Variants in ANKRD30B observed in about 807,000 individuals in gnomAD.
ANKRD30B encodes the protein ankyrin repeat domain 30B, also known as ankyrin repeat domain-containing protein 30B.
ANKRD30B carries 144 observed loss-of-function variants against 202.2 expected under a neutral mutation model. The ratio of observed to expected loss-of-function variants is 0.71; its 90% CI spans 0.62 to 0.82. The LOEUF (loss-of-function observed/expected upper bound fraction) is 0.82, where lower values mean the gene tolerates loss of function less well. Among genes scored for constraint, ANKRD30B ranks in the 40% least tolerant of loss-of-function variants. The pLI, the probability that ANKRD30B is intolerant of heterozygous loss-of-function variation, is 0.00. For synonymous variants in ANKRD30B, 508 were observed against 561.3 expected (o/e 0.91, Z 1.34); for missense variants, 1,487 against 1,669.1 (o/e 0.89, Z 1.90).
intron 18 of ANKRD30B, 41 bp from the exon 19 acceptor site, chr18:14,797,620 G>A (rs1315338626): frequency 5.7e-6 from 9 of 1,578,766 alleles, no homozygotes; most frequent in Non-Finnish European, 7.0e-6. Context: ...GGCTTTGTCA[G>A]GCTTGCATAT....
chr18:14,816,698 A>T (rs1263244244), intron 30 of ANKRD30B: 2 of 152,112 alleles, frequency 1.3e-5, no homozygotes, highest in Admixed American at 1.3e-4. Flanking sequence ...AACAGCAAAG[A>T]CTTGGAACCA....
intron 7 of ANKRD30B, among the ~76,000 whole-genome samples, chr18:14,767,420 AAATAAAACAAT>A (rs1175375392): frequency 7.2e-5 from 11 of 152,318 alleles, no homozygotes; most frequent in Non-Finnish European, 1.6e-4. Context: ...ACTCATGATA[AAATAAAACAAT>A]AATAATACAT....
rs545061007 is a variant in ANKRD30B, at chr18:14,791,467, G to A, written c.1801G>A (p.Asp601Asn). ...CAAAGCTACACATCAAAAAGAATTC[G>A]ATACCTTAAGTGGAAAATTAGAAGG... ...LPKATHQKEF[D>N]TLSGKLEESP... Residue 601 changes from aspartate to asparagine, a missense_variant, in exon 16 of 44, where the codon GAT becomes AAT. By Grantham distance (23) the Asp-to-Asn change is conservative (BLOSUM62 1). Around this residue, in one of 6 missense-constraint regions of ANKRD30B, gnomAD observed 889 missense variants for 841.4 expected, o/e 1.06. Transcript: ENST00000690538. 2.7e-5 allele frequency: 43 copies of A among 1,609,902 alleles called. No individual in the cohort carries two copies. The highest frequency in any genetic ancestry group is 2.3e-4 in the African/African-American group (17 of 74,758).
At chr18:14,749,619 C>T (rs1184599455) in intron 1 of ANKRD30B, among the ~76,000 whole-genome samples, 3 of 127,302 alleles carry the variant, frequency 2.4e-5, no homozygotes, top group Non-Finnish European at 3.1e-5. Context: ...TGCAGTGAGC[C>T]GAGATCCCAC....
At chr18:14,816,620 G>A (rs1345459943) in intron 30 of ANKRD30B, 2 of 150,506 alleles carry the variant, frequency 1.3e-5, no homozygotes, top group African/African-American at 4.9e-5. Context: ...ACTCCAGCCT[G>A]GGTGACAGGG....
chr18:14,917,144 C>T, the ANKRD30B span, among the ~76,000 whole-genome samples: 12 of 152,312 alleles, frequency 7.9e-5, no homozygotes, highest in African/African-American at 1.9e-4. Context: ...CTGCGTCCTC[C>T]GGCCCCAGTG....
At chr18:14,767,603 T>C (rs1916451624) in intron 7 of ANKRD30B, among the ~76,000 whole-genome samples, 1 of 152,172 alleles carries the variant, frequency 6.6e-6, no homozygotes, top group East Asian at 1.9e-4. Flanking sequence ...ACTAATTATT[T>C]CTGGCTATCT....
At chr18:14,771,745 T>C (rs1967016955) in intron 8 of ANKRD30B, among the ~76,000 whole-genome samples, 1 of 152,182 alleles carries the variant, frequency 6.6e-6, no homozygotes, top group South Asian at 2.1e-4. Context: ...TGTATCTTTC[T>C]TCCTTATTTT....
the ANKRD30B span, among the ~76,000 whole-genome samples, chr18:14,906,758 C>T: frequency 6.6e-6 from 1 of 152,036 alleles, no homozygotes; most frequent in African/African-American, 2.4e-5. Context: ...GACCATGGCC[C>T]ATGACACAGC....
intron 39 of ANKRD30B, among the ~76,000 whole-genome samples, chr18:14,846,535 A>G (rs1363441431): frequency 6.6e-6 from 1 of 151,650 alleles, no homozygotes; most frequent in Non-Finnish European, 1.5e-5. Flanking sequence ...ATTTTAGACT[A>G]TACTTAGGCA....
chr18:14,838,958 A>G (rs1456359376), intron 36 of ANKRD30B, among the ~76,000 whole-genome samples: 1 of 152,246 alleles, frequency 6.6e-6, no homozygotes, highest in Non-Finnish European at 1.5e-5. Flanking sequence ...ATGGGGAGTA[A>G]GAACAGGCAT....
rs372605276 is a variant in ANKRD30B, at chr18:14,830,315, C to T, written c.2775-1068C>T. The T allele has an allele frequency of 3.1e-4, 47 of 152,372 alleles. 1 individual carries two copies. In the South Asian group the frequency reaches 9.8e-3, roughly 32 times the overall value. 9.4% of individuals were successfully genotyped at this position (152,372 alleles called of 1,614,324 possible). Reference sequence around the variant, plus strand: ...CAGTCTCTCTCCTTGGGTATAAGTACCTACGAAGATTTTTAAGGCTTTGCT... The same window carrying T: ...CAGTCTCTCTCCTTGGGTATAAGTATCTACGAAGATTTTTAAGGCTTTGCT... On this transcript the variant is annotated intron_variant, in intron 33 of 43. Coordinates refer to ENST00000690538, the MANE Select transcript of ANKRD30B (RefSeq NM_001367607.2).
the ANKRD30B span, among the ~76,000 whole-genome samples, chr18:14,860,983 G>C: frequency 2.0e-5 from 3 of 152,236 alleles, no homozygotes; most frequent in South Asian, 6.2e-4. Context: ...TTACAGGTGC[G>C]AGCCACTGCA....
At position 14,827,954 on chromosome 18, in the gene ANKRD30B, A is replaced by G. The variant is rs374737360; in HGVS notation, c.2744-324A>G. Among the ~76,000 whole-genome samples, 142 of 152,318 alleles carry G rather than the reference A, an allele frequency of 9.3e-4. 1 individual carries two copies. The highest frequency in any genetic ancestry group is 3.4e-3 in the Middle Eastern group (1 of 294). On this transcript the variant is annotated intron_variant, in intron 32 of 43. Coordinates refer to ENST00000690538, the MANE Select transcript of ANKRD30B (RefSeq NM_001367607.2). ...TAGTATACTTAATAATAATTTTACT[A>G]TAGTCTCAACGTATGGTCCCAAAAG...
In ANKRD30B at chr18:14,825,232, C is replaced by T. The variant is rs563865047; in HGVS notation, c.2743+2555C>T. 6.6e-5 allele frequency: 10 copies of T among 152,230 alleles called. No individual in the cohort carries two copies. The South Asian group carries it at 8.3e-4, about 13-fold the overall frequency. The allele number at this position is 152,230 out of a possible 1,614,324, so 9.4% of individuals were successfully genotyped here. On this transcript the variant is annotated intron_variant, in intron 32 of 43. Coordinates refer to ENST00000690538, the MANE Select transcript of ANKRD30B (RefSeq NM_001367607.2). The stretch of plus-strand genomic sequence containing the variant: ...TTGCATAGTTTGTCTTGCCACCTGC[C>T]GGGTCCATCCCATGGACACTGACCT...
chr18:14,820,384 A>G (rs1003758359), intron 30 of ANKRD30B, among the ~76,000 whole-genome samples: 4 of 152,210 alleles, frequency 2.6e-5, no homozygotes, highest in South Asian at 2.1e-4. Context: ...CCCTGGCCAG[A>G]ACTTCCAACA....
chr18:14,788,916 G>A (rs1300754013), intron 15 of ANKRD30B, among the ~76,000 whole-genome samples: 1 of 152,178 alleles, frequency 6.6e-6, no homozygotes, highest in East Asian at 1.9e-4. Context: ...ACCCAGTAAT[G>A]GGATGACTGG....
chr18:14,910,608 G>T, the ANKRD30B span, among the ~76,000 whole-genome samples: 1 of 150,880 alleles, frequency 6.6e-6, no homozygotes, highest in Non-Finnish European at 1.5e-5. Flanking sequence ...GTTTTTTTTT[G>T]ATATAATAAA....
intron 9 of ANKRD30B, among the ~76,000 whole-genome samples, chr18:14,774,790 C>T (rs755507595): frequency 9.3e-5 from 14 of 150,958 alleles, no homozygotes; most frequent in South Asian, 2.1e-4. Flanking sequence ...CTATAAACTA[C>T]GTAAGAGTAA....
Sources: allele counts gnomAD v4.1 joint callset (sites outside exome capture counted in the v4.1 genomes callset), GRCh38; gene constraint gnomAD v4.1.1; regional missense constraint gnomAD v4.1.1; transcripts MANE v1.5; gene names NCBI Gene and HGNC (gene_info 2026-07-23, HGNC 2026-07-21).